The following OPHN1 variants were observed in gnomAD, a reference collection of about 807,000 sequenced individuals.
OPHN1 encodes oligophrenin 1, also known as oligophrenin-1.
A neutral mutation model predicts 60.7 loss-of-function variants in OPHN1; 11 were observed. The ratio of observed to expected loss-of-function variants is 0.18; its 90% confidence interval spans 0.11 to 0.30. The LOEUF is 0.30. OPHN1 is among the 10% of genes least tolerant of loss of function. The pLI, the probability that OPHN1 is intolerant of heterozygous loss-of-function variation, is 1.00. For synonymous variants in OPHN1, 226 were observed against 222.6 expected (o/e 1.02, Z -0.14); for missense variants, 449 against 611.0 (o/e 0.73, Z 2.80).
At chrX:68,267,736 A>G (rs2077939690) in intron 5 of OPHN1, among the ~76,000 whole-genome samples, 1 of 112,159 alleles carries the variant, frequency 8.9e-6, no homozygotes, top group African/African-American at 3.2e-5. Flanking sequence ...GAAATCAATG[A>G]ATCCAGGAGC....
chrX:68,168,521 T>A (rs975431252), intron 15 of OPHN1, among the ~76,000 whole-genome samples: 1 of 110,502 alleles, frequency 9.0e-6, no homozygotes, highest in African/African-American at 3.3e-5. Context: ...GAGGTAAATT[T>A]ATAGCACTAA....
At chrX:68,260,342 T>C (rs1394027048) in intron 5 of OPHN1, among the ~76,000 whole-genome samples, 1 of 110,981 alleles carries the variant, frequency 9.0e-6, no homozygotes, top group Non-Finnish European at 1.9e-5. Flanking sequence ...ACAGCTCTAG[T>C]TCATTTGTTC....
intron 18 of OPHN1, among the ~76,000 whole-genome samples, chrX:68,105,566 CA>C (rs1297205644): frequency 9.9e-6 from 1 of 101,054 alleles, no homozygotes; most frequent in African/African-American, 3.7e-5. Context: ...AACAGAAAAC[CA>C]AACACCACAT....
intron 4 of OPHN1, among the ~76,000 whole-genome samples, chrX:68,277,412 T>C (rs1035312071): frequency 4.4e-5 from 5 of 112,383 alleles, no homozygotes; most frequent in Non-Finnish European, 9.4e-5. Context: ...GGCTAGGGGT[T>C]GGGGACCCTG....
intron 19 of OPHN1, among the ~76,000 whole-genome samples, chrX:68,078,983 CAAAA>C (rs1356873956): frequency 8.1e-4 from 75 of 92,573 alleles, no homozygotes; most frequent in African/African-American, 3.1e-3. Context: ...AAGACTGTCT[CAAAA>C]TAAATAAATA....
intron 19 of OPHN1, among the ~76,000 whole-genome samples, chrX:68,076,666 CCTT>C (rs2076955013): frequency 9.0e-6 from 1 of 111,652 alleles, no homozygotes; most frequent in Non-Finnish European, 1.9e-5. Flanking sequence ...CATTTCTACT[CCTT>C]CATGTTTACT....
intron 2 of OPHN1, among the ~76,000 whole-genome samples, chrX:68,363,623 T>C (rs796352867): frequency 9.0e-6 from 1 of 111,654 alleles, no homozygotes; most frequent in East Asian, 2.8e-4. Context: ...TTAACTTTTT[T>C]AAAAAAGACA....
At chrX:68,372,220 G>A (rs2078532929) in intron 2 of OPHN1, among the ~76,000 whole-genome samples, 1 of 111,853 alleles carries the variant, frequency 8.9e-6, no homozygotes, top group Non-Finnish European at 1.9e-5. Context: ...AGAGACCTTA[G>A]GTCAAAAATC....
intron 2 of OPHN1, among the ~76,000 whole-genome samples, chrX:68,394,102 C>A (rs5965569): frequency 0.56 from 51,256 of 92,061 alleles, 13,937 homozygotes; most frequent in East Asian, 0.81. Flanking sequence ...TCACCGTGTT[C>A]GCCAGGATGG....
At chrX:68,356,394 T>A in intron 2 of OPHN1, among the ~76,000 whole-genome samples, 1 of 106,641 alleles carries the variant, frequency 9.4e-6, no homozygotes, top group East Asian at 2.9e-4. Context: ...GCCTCCACAA[T>A]CACATGAGCC....
intron 19 of OPHN1, among the ~76,000 whole-genome samples, chrX:68,087,146 G>A (rs771538387): frequency 8.9e-6 from 1 of 112,423 alleles, no homozygotes; most frequent in East Asian, 2.8e-4. Flanking sequence ...CTCTGATAGT[G>A]ACTTCAGAAA....
intron 5 of OPHN1, among the ~76,000 whole-genome samples, chrX:68,273,254 TA>T (rs1233089445): frequency 8.9e-6 from 1 of 112,045 alleles, no homozygotes; most frequent in Non-Finnish European, 1.9e-5. Flanking sequence ...ATTGTCATCA[TA>T]TTCCAAATAA....
chrX:68,412,537 C>T (rs961767859), intron 2 of OPHN1, among the ~76,000 whole-genome samples: 7 of 111,317 alleles, frequency 6.3e-5, no homozygotes, highest in East Asian at 2.8e-4. Context: ...TTTTACAAGA[C>T]GATAAGAGTT....
intron 3 of OPHN1, among the ~76,000 whole-genome samples, chrX:68,297,826 T>C (rs891651087): frequency 9.0e-6 from 1 of 110,881 alleles, no homozygotes; most frequent in Non-Finnish European, 1.9e-5. Flanking sequence ...ATAAAATATT[T>C]GGTTAGAAAG....
At chrX:68,058,029 C>T (rs1008054787) in intron 21 of OPHN1, among the ~76,000 whole-genome samples, 8 of 111,318 alleles carry the variant, frequency 7.2e-5, no homozygotes, top group African/African-American at 2.6e-4. Context: ...GCACAATGTG[C>T]AGGCTCGTTA....
At chrX:68,404,960 T>C in intron 2 of OPHN1, among the ~76,000 whole-genome samples, 1 of 111,718 alleles carries the variant, frequency 9.0e-6, no homozygotes. Flanking sequence ...AGGTTCATTG[T>C]TGCAAGATGA....
intron 2 of OPHN1, among the ~76,000 whole-genome samples, chrX:68,398,542 T>C (rs2147763832): frequency 8.9e-6 from 1 of 111,940 alleles, no homozygotes; most frequent in East Asian, 2.8e-4. Context: ...AGTCACTTGC[T>C]CTGGTCCGCC....
At chrX:68,178,357 G>C (rs564430734) in intron 15 of OPHN1, among the ~76,000 whole-genome samples, 56 of 111,816 alleles carry the variant, frequency 5.0e-4, no homozygotes, top group Non-Finnish European at 7.7e-4. Flanking sequence ...CAAATGATCT[G>C]AAATTCTACC....
chrX:68,391,940 T>A (rs764924902), intron 2 of OPHN1, among the ~76,000 whole-genome samples: 3 of 111,973 alleles, frequency 2.7e-5, no homozygotes, highest in Non-Finnish European at 3.8e-5. Flanking sequence ...GCAGTGAAAC[T>A]CATTTTGTAC....
Sources: allele counts gnomAD v4.1 joint callset (sites outside exome capture counted in the v4.1 genomes callset), GRCh38; gene constraint gnomAD v4.1.1; transcripts MANE v1.5; gene names NCBI Gene and HGNC (gene_info 2026-07-23, HGNC 2026-07-21).